Variants in RAP1A observed in about 807,000 individuals in gnomAD.
RAP1A encodes the protein ras-related protein Rap-1A.
A neutral mutation model predicts 26.4 loss-of-function variants in RAP1A; 6 were observed. The observed-to-expected ratio is 0.23, with a 90% CI of 0.12 to 0.45. The LOEUF is 0.45. RAP1A is among the 20% of genes least tolerant of loss of function. The probability of loss-of-function intolerance (pLI) is 0.99; values close to 1 mark genes in which losing one functional copy is unlikely to be tolerated. For missense variants in RAP1A, 121 were observed against 217.2 expected (o/e 0.56, Z 2.78); for synonymous variants, 73 against 79.4 (o/e 0.92, Z 0.43).
At chr1:111,617,834 G>A (rs1268389805), upstream of RAP1A, among the ~76,000 whole-genome samples, 6 of 151,448 alleles carry the variant, frequency 4.0e-5, no homozygotes, top group Admixed American at 3.9e-4. Context: ...ACCTGAGGTT[G>A]GGAATTCGAG....
At chr1:111,673,358 T>C (rs1012388932) in intron 1 of RAP1A, among the ~76,000 whole-genome samples, 4 of 152,236 alleles carry the variant, frequency 2.6e-5, no homozygotes, top group Admixed American at 2.6e-4. Context: ...GATCACTAAA[T>C]TTCCTTTAAT....
At chr1:111,619,785 CGCCGCCGCCGCTCCCGAGGCCCCT>C (rs1051758668) in exon 1 of RAP1A, 52 of 397,518 alleles carry the variant, frequency 1.3e-4, no homozygotes, top group Admixed American at 2.2e-4. Context: ...CTGGAGGAGG[CGCCGCCGCCGCTCCCGAGGCCCCT>C]GCCGCCGCCG....
At position 111,631,939 on chromosome 1, in the gene RAP1A, A is replaced by G. The variant is rs191382996; in HGVS notation, c.-28+12005A>G. Among the ~76,000 whole-genome samples, 1,167 of 152,034 alleles carry G rather than the reference A, an allele frequency of 7.7e-3. 7 individuals are homozygous for G. Among genetic ancestry groups the G allele is most frequent in the Non-Finnish European group, 0.013 (856 of 67,970 alleles). ...AAGTCTGCTTTGCACCATAGTGTTC[A>G]TTATCAATAACATCTTTTGGTTCTG... On this transcript the variant is annotated intron_variant, in intron 1 of 7. Coordinates refer to ENST00000369709, the MANE Select transcript of RAP1A (RefSeq NM_002884.4).
At chr1:111,693,732 G>A (rs1661742263) in intron 2 of RAP1A, among the ~76,000 whole-genome samples, 1 of 152,002 alleles carries the variant, frequency 6.6e-6, no homozygotes, top group African/African-American at 2.4e-5. Flanking sequence ...TATACCCTTT[G>A]GAAGATTCCA....
intron 1 of RAP1A, among the ~76,000 whole-genome samples, chr1:111,564,512 CTTTTTT>C (rs577908974): frequency 8.3e-6 from 1 of 119,956 alleles, no homozygotes; most frequent in African/African-American, 3.2e-5. Flanking sequence ...GACCCCAACT[CTTTTTT>C]TTTTTTTTTT....
intron 1 of RAP1A, among the ~76,000 whole-genome samples, chr1:111,580,851 A>AAAAAAAC (rs200040545): frequency 1.7e-5 from 1 of 57,816 alleles, no homozygotes; most frequent in African/African-American, 3.8e-5. Context: ...TCTCAAAAAC[A>AAAAAAAC]AAAAAACAAA....
At chr1:111,635,964 T>A (rs962011821) in intron 1 of RAP1A, among the ~76,000 whole-genome samples, 2 of 152,164 alleles carry the variant, frequency 1.3e-5, no homozygotes, top group African/African-American at 4.8e-5. Context: ...GTCAACCCTG[T>A]GTATTCCCCA....
chr1:111,564,294 A>T (rs1327794185), intron 1 of RAP1A, among the ~76,000 whole-genome samples: 1 of 152,156 alleles, frequency 6.6e-6, no homozygotes, highest in African/African-American at 2.4e-5. Context: ...TGATAGTCTT[A>T]ACATTCCTGC....
chr1:111,608,309 C>T, intron 1 of RAP1A: 1 of 159,398 alleles, frequency 6.3e-6, no homozygotes, highest in South Asian at 1.4e-4. Context: ...GATGGGCGGC[C>T]GGGCAGAGAC....
intron 1 of RAP1A, among the ~76,000 whole-genome samples, chr1:111,596,990 C>T (rs530988932): frequency 1.1e-4 from 16 of 152,198 alleles, no homozygotes; most frequent in East Asian, 9.6e-4. Context: ...AAATATTATC[C>T]GGGCGAAAGG....
intron 1 of RAP1A, chr1:111,563,794 C>G: frequency 6.9e-7 from 1 of 1,446,708 alleles, no homozygotes; most frequent in Non-Finnish European, 9.6e-7. Flanking sequence ...AGTATGCAGA[C>G]TCAGACCCCA....
intron 1 of RAP1A, among the ~76,000 whole-genome samples, chr1:111,690,942 G>A (rs1571564772): frequency 6.6e-6 from 1 of 152,172 alleles, no homozygotes; most frequent in East Asian, 1.9e-4. Flanking sequence ...AAAATAGCAT[G>A]TACATTATAT....
intron 1 of RAP1A, among the ~76,000 whole-genome samples, chr1:111,543,159 T>G (rs1656906979): frequency 6.6e-6 from 1 of 152,112 alleles, no homozygotes; most frequent in Non-Finnish European, 1.5e-5. Context: ...AGGTGACAGC[T>G]CTTTGGTAAC....
At chr1:111,640,089 A>T (rs1423426356) in intron 1 of RAP1A, among the ~76,000 whole-genome samples, 1 of 152,246 alleles carries the variant, frequency 6.6e-6, no homozygotes, top group East Asian at 1.9e-4. Context: ...CTTGAGCATT[A>T]ACTCATTATC....
At chr1:111,605,275 A>G (rs1168483071) in intron 1 of RAP1A, among the ~76,000 whole-genome samples, 1 of 152,226 alleles carries the variant, frequency 6.6e-6, no homozygotes, top group Non-Finnish European at 1.5e-5. Context: ...AAAACCAAAT[A>G]AACGTACATA....
intron 1 of RAP1A, among the ~76,000 whole-genome samples, chr1:111,653,808 G>A (rs79456880): frequency 6.6e-6 from 1 of 151,406 alleles, no homozygotes; most frequent in Non-Finnish European, 1.5e-5. Flanking sequence ...GGAGAGAAAA[G>A]AAGACTGTGG....
In RAP1A at chr1:111,712,860, CT is replaced by C. The variant is rs1557901719; in HGVS notation, c.*465del. 6.6e-6 allele frequency: 1 copy of C among 152,322 alleles called. No individual in the cohort carries two copies. The highest frequency in any genetic ancestry group is 1.9e-4 in the East Asian group (1 of 5,204). 9.4% of individuals were successfully genotyped at this position (152,322 alleles called of 1,614,324 possible). ...CCCTCAAACTCATTGCAGCAGATAA[CT>C]TTTTTGAGTCATTGACTTCATTTTA... On this transcript the variant is annotated 3_prime_UTR_variant, in exon 8 of 8. Transcript: ENST00000369709.
At chr1:111,631,378 C>G (rs1659562849) in intron 1 of RAP1A, among the ~76,000 whole-genome samples, 2 of 152,096 alleles carry the variant, frequency 1.3e-5, no homozygotes, top group South Asian at 4.2e-4. Flanking sequence ...TGATTAATGT[C>G]CTATCTGTAA....
chr1:111,553,563 C>T (rs1657360560), intron 1 of RAP1A, among the ~76,000 whole-genome samples: 2 of 152,204 alleles, frequency 1.3e-5, no homozygotes, highest in South Asian at 4.1e-4. Context: ...ACAAAGGTAT[C>T]TTCCTTAAAC....
Sources: gnomAD v4.1 joint callset for allele counts (sites outside exome capture counted in the v4.1 genomes callset) on GRCh38, gnomAD v4.1.1 for gene constraint, MANE v1.5 for transcripts, NCBI Gene and HGNC (gene_info 2026-07-23, HGNC 2026-07-21) for gene names.